The following CEP112 variants were observed in gnomAD, a reference collection of about 807,000 sequenced individuals.
CEP112 encodes the protein centrosomal protein 112, also known as centrosomal protein of 112 kDa.
CEP112 carries 127 observed loss-of-function variants against 153.0 expected under a neutral mutation model. The observed-to-expected ratio is 0.83, with a 90% CI of 0.72 to 0.96. The LOEUF is 0.96. CEP112 is among the 40% of genes least tolerant of loss of function. The probability of loss-of-function intolerance (pLI) is 0.00; values close to 1 mark genes in which losing one functional copy is unlikely to be tolerated. For synonymous variants in CEP112, 358 were observed against 374.4 expected, an observed-to-expected ratio of 0.96 and a Z score of 0.51; for missense variants, 1,089 against 1,101.2, an observed-to-expected ratio of 0.99 and a Z score of 0.16.
chr17:65,870,044 A>AGAAG (rs2058608692), intron 20 of CEP112, among the ~76,000 whole-genome samples: 1 of 74,678 alleles, frequency 1.3e-5, no homozygotes, highest in Non-Finnish European at 3.2e-5. Context: ...AAAGAAAGAA[A>AGAAG]GAAAGAAAGA....
chr17:66,028,509 C>A (rs1464700078), intron 14 of CEP112, 104 bp from the exon 15 acceptor site: 25 of 498,778 alleles, frequency 5.0e-5, no homozygotes. Flanking sequence ...AAAGTCCAAT[C>A]AGAATTAAAA....
chr17:65,721,051 G>A (rs2049853099), intron 23 of CEP112, among the ~76,000 whole-genome samples: 1 of 123,120 alleles, frequency 8.1e-6, no homozygotes, highest in African/African-American at 3.1e-5. Flanking sequence ...TCGCTCTGTT[G>A]TCCAGGATGG....
chr17:65,940,370 A>C (rs2061470809), intron 18 of CEP112, among the ~76,000 whole-genome samples: 1 of 152,140 alleles, frequency 6.6e-6, no homozygotes, highest in Admixed American at 6.5e-5. Flanking sequence ...TTTTTCATCC[A>C]GCAGTCCCAC....
intron 25 of CEP112, among the ~76,000 whole-genome samples, chr17:65,638,915 T>TA (rs1409321752): frequency 1.3e-5 from 2 of 151,914 alleles, no homozygotes; most frequent in African/African-American, 2.4e-5. Flanking sequence ...TTCCTCTTCC[T>TA]AAAAAAACTC....
chr17:66,128,231 A>G (rs2069945614), intron 6 of CEP112, among the ~76,000 whole-genome samples: 2 of 138,848 alleles, frequency 1.4e-5, no homozygotes, highest in Admixed American at 8.3e-5. Flanking sequence ...TGAACCCAGG[A>G]GGCAGAGGTT....
At chr17:66,098,508 C>T (rs767540285) in intron 6 of CEP112, among the ~76,000 whole-genome samples, 13 of 151,918 alleles carry the variant, frequency 8.6e-5, no homozygotes, top group Non-Finnish European at 1.8e-4. Context: ...ATAAAGATAA[C>T]GGTGAATGAA....
Position 65,889,874 on chromosome 17 carries a change from A to C in CEP112, c.2163+12278T>G, listed in dbSNP as rs187912147. ...CATCATCTCTCGCGAGGGTGACTCT[A>C]ACTAGTCACCCAGGCTCCAGTCTCA... On this transcript the variant is annotated intron_variant, in intron 20 of 26. Transcript: ENST00000535342. 1.7e-3 allele frequency among the ~76,000 whole-genome samples: 266 copies of C among 152,176 alleles called. 1 individual carries two copies. Among genetic ancestry groups the C allele is most frequent in the African/African-American group, 6.2e-3 (258 of 41,520 alleles).
At chr17:66,067,416 T>A (rs1445676425) in intron 9 of CEP112, among the ~76,000 whole-genome samples, 4 of 152,214 alleles carry the variant, frequency 2.6e-5, no homozygotes, top group Non-Finnish European at 5.9e-5. Flanking sequence ...TAGCTGAAAT[T>A]GTATGTGTCT....
At chr17:65,701,819 A>T (rs1567885369) in intron 23 of CEP112, among the ~76,000 whole-genome samples, 1 of 150,828 alleles carries the variant, frequency 6.6e-6, no homozygotes, top group Non-Finnish European at 1.5e-5. Context: ...TTTAAATCTC[A>T]CAATCATTTG....
At chr17:65,846,867 C>T (rs1221680938) in intron 21 of CEP112, among the ~76,000 whole-genome samples, 2 of 152,286 alleles carry the variant, frequency 1.3e-5, no homozygotes, top group East Asian at 1.9e-4. Flanking sequence ...TGAGTGCTTA[C>T]TGTGTGTAAG....
intron 12 of CEP112, among the ~76,000 whole-genome samples, chr17:66,053,050 T>C (rs1233094518): frequency 3.3e-5 from 5 of 150,166 alleles, no homozygotes; most frequent in African/African-American, 7.4e-5. Flanking sequence ...GAGGTTGCAG[T>C]GAGCTGAGAC....
chr17:65,703,653 C>T (rs962037191), intron 23 of CEP112, among the ~76,000 whole-genome samples: 9 of 149,666 alleles, frequency 6.0e-5, no homozygotes, highest in African/African-American at 2.2e-4. Flanking sequence ...ATGGGCCCAG[C>T]TCCACACATT....
chr17:65,670,242 A>G (rs1047608465), intron 24 of CEP112, among the ~76,000 whole-genome samples: 6 of 151,232 alleles, frequency 4.0e-5, no homozygotes, highest in Non-Finnish European at 7.4e-5. Context: ...TTTTCAAAAT[A>G]CCCTCTAATT....
At chr17:65,681,665 CCTTT>C (rs1454905669) in intron 24 of CEP112, among the ~76,000 whole-genome samples, 1 of 146,118 alleles carries the variant, frequency 6.8e-6, no homozygotes, top group African/African-American at 2.6e-5. Context: ...GTGAATTTTT[CCTTT>C]TTTTAATTTT....
In CEP112 at chr17:66,080,729, A is replaced by G. The variant is rs188999139; in HGVS notation, c.769-10728T>C. ...CACGAACATGTATGTTTATTGCAGC[A>G]CTGTTCACAATAGCAAAGACTTAGA... On this transcript the variant is annotated intron_variant, in intron 8 of 26. Transcript: ENST00000535342. Among the ~76,000 whole-genome samples, 6 of 152,344 alleles carry G rather than the reference A, an allele frequency of 3.9e-5. No individual in the cohort carries two copies. In the East Asian group the frequency reaches 7.7e-4, roughly 20 times the overall value.
chr17:66,096,763 A>C, intron 6 of CEP112, 131 bp from the exon 7 acceptor site: 5 of 652,076 alleles, frequency 7.7e-6, no homozygotes, highest in Non-Finnish European at 1.3e-5. Context: ...TCATTTTTAG[A>C]ATGGGTATTG....
chr17:65,946,032 T>C (rs546229819), intron 18 of CEP112, among the ~76,000 whole-genome samples: 56 of 152,320 alleles, frequency 3.7e-4, no homozygotes, highest in Middle Eastern at 6.8e-3. Flanking sequence ...ATTTGTCCAT[T>C]TGAAGTCAGC....
chr17:65,807,196 TTA>T (rs1294369390), intron 21 of CEP112, among the ~76,000 whole-genome samples: 1 of 152,198 alleles, frequency 6.6e-6, no homozygotes, highest in Non-Finnish European at 1.5e-5. Flanking sequence ...CTCTAAAACT[TTA>T]ACTCAAGGGA....
chr17:65,770,119 C>T (rs2053250964), intron 21 of CEP112, among the ~76,000 whole-genome samples: 1 of 151,020 alleles, frequency 6.6e-6, no homozygotes, highest in Non-Finnish European at 1.5e-5. Flanking sequence ...AAAAAAACCT[C>T]TAAGACCACA....
Sources: allele counts gnomAD v4.1 joint callset (sites outside exome capture counted in the v4.1 genomes callset), GRCh38; gene constraint gnomAD v4.1.1; transcripts MANE v1.5; gene names NCBI Gene and HGNC (gene_info 2026-07-23, HGNC 2026-07-21).